CCDC136: variants seen among roughly 807,000 people sequenced by gnomAD.
CCDC136 encodes the protein coiled-coil domain containing 136.
In CCDC136, 100 loss-of-function variants were observed where a neutral mutation model predicts 141.2. The ratio of observed to expected loss-of-function variants is 0.71; its 90% CI spans 0.60 to 0.84. The LOEUF (loss-of-function observed/expected upper bound fraction) is 0.84, where lower values mean the gene tolerates loss of function less well. CCDC136 is among the 40% of genes least tolerant of loss of function. CCDC136 has a pLI of 0.00. For missense variants in CCDC136, 1,206 were observed against 1,379.4 expected (o/e 0.87, Z 1.99); for synonymous variants, 474 against 531.9 (o/e 0.89, Z 1.50).
At position 128,821,900 on chromosome 7, in the gene CCDC136, C is replaced by T. The variant is rs1021655878; in HGVS notation, c.*107C>T. 9 of 1,289,848 alleles carry T rather than the reference C, an allele frequency of 7.0e-6. No individual in the cohort carries two copies. Among genetic ancestry groups the T allele is most frequent in the Non-Finnish European group, 9.1e-6 (9 of 988,890 alleles). The allele number at this position is 1,289,848 out of a possible 1,614,324, so 79.9% of individuals were successfully genotyped here. A position where few individuals can be genotyped will look rare whatever the true frequency, so the allele number is the denominator to read the frequency against. ...GACAGCAGGAGTCAGAGTTCTGCCT[C>T]ATGGAGTGATGGCAGACCTTGGCCA... On this transcript the variant is annotated 3_prime_UTR_variant, in exon 18 of 18. Coordinates refer to ENST00000297788, the MANE Select transcript of CCDC136 (RefSeq NM_022742.5). This position sits in a 1 kb window ranked among gnomAD's most constrained non-coding sequence, Gnocchi z 5.1.
intron 5 of CCDC136, 71 bp downstream of exon 5, chr7:128,804,832 G>A (rs1414513400): frequency 1.1e-6 from 1 of 931,330 alleles, no homozygotes; most frequent in African/African-American, 1.7e-5. Flanking sequence ...GGCTTTCCCT[G>A]AAGGCAGATG....
At chr7:128,792,759 A>AT (rs1331064594) in intron 1 of CCDC136, among the ~76,000 whole-genome samples, 4 of 152,198 alleles carry the variant, frequency 2.6e-5, no homozygotes, top group African/African-American at 9.7e-5. Context: ...GCCGACCCAG[A>AT]TCCCAAGCTG....
At position 128,811,815 on chromosome 7, in the gene CCDC136, A is replaced by G. The variant is rs754735559; in HGVS notation, c.2044A>G (p.Met682Val). The change falls in exon 13 of 18, where the codon ATG becomes GTG. Residue 682 changes from methionine to valine, a missense_variant. By Grantham distance (21) the Met-to-Val change is conservative. Coordinates refer to ENST00000297788, the MANE Select transcript of CCDC136 (RefSeq NM_022742.5). Reference protein sequence around the residue: ...CNRNKQSKLLMEQMQALQVMY... With the variant: ...CNRNKQSKLLVEQMQALQVMY... ...CTGCCCCCAGCAATCCAAGCTGCTC[A>G]TGGAGCAGATGCAGGCCCTGCAGGT... The G allele has an allele frequency of 3.2e-6, 5 of 1,584,100 alleles. No homozygotes were observed. Among genetic ancestry groups the G allele is most frequent in the Admixed American group, 1.9e-5 (1 of 53,468 alleles).
Position 128,813,433 on chromosome 7 carries a change from C to T in CCDC136, c.2763+504C>T, listed in dbSNP as rs546829468. Among the ~76,000 whole-genome samples the T allele has an allele frequency of 2.1e-4, 32 of 152,266 alleles. 1 individual carries two copies. The South Asian group carries it at 6.6e-3, about 32-fold the overall frequency. ...GGTCCAGTGGGGGTCTCTTTGTATA[C>T]ACACGGGAGAGATTCAGAGAGCAGC... On this transcript the variant is annotated intron_variant, in intron 14 of 17. Coordinates refer to ENST00000297788, the MANE Select transcript of CCDC136 (RefSeq NM_022742.5).
rs981899147 is a variant in CCDC136 at position 128,815,749 on chromosome 7, G to A, written c.3181G>A (p.Glu1061Lys). The A allele has an allele frequency of 1.3e-6, 2 of 1,564,390 alleles. No homozygotes were observed. Among genetic ancestry groups the A allele is most frequent in the African/African-American group, 1.4e-5 (1 of 73,382 alleles). Residue 1061 changes from glutamate to lysine, a missense_variant, in exon 16 of 18, where the codon GAG becomes AAG. Transcript: ENST00000297788. ...KEEAKEQCGD[E>K]LVAEPADPEE... ...GGAAGCAAAGGAGCAGTGTGGGGAT[G>A]AGCTAGTTGCTGAGCCAGCAGATCC...
chr7:128,806,609 G>A lies in CCDC136; in HGVS notation c.1249-79G>A, dbSNP rs1463877851. The stretch of plus-strand genomic sequence containing the variant: ...GGAAGAAGCAAATCTTAGACTGTTG[G>A]TGTCTTCAAGTGACTCACACAGAAG... On this transcript the variant is annotated intron_variant, in intron 8 of 17. Coordinates refer to ENST00000297788, the MANE Select transcript of CCDC136 (RefSeq NM_022742.5). 1.0e-5 allele frequency: 14 copies of A among 1,347,282 alleles called. No homozygotes were observed. The South Asian group carries it at 1.4e-4, about 14-fold the overall frequency. 83.5% of individuals were successfully genotyped at this position (1,347,282 alleles called of 1,614,324 possible).
At position 128,815,843 on chromosome 7, in the gene CCDC136, A is replaced by G; in HGVS notation, c.3275A>G (p.Glu1092Gly). 1 of 1,613,352 alleles carries G rather than the reference A, an allele frequency of 6.2e-7. No homozygotes were observed. Among genetic ancestry groups the G allele is most frequent in the Non-Finnish European group, 8.5e-7 (1 of 1,179,628 alleles). Residue 1092 changes from glutamate (E) to glycine (G), a missense_variant, in exon 16 of 18, where the codon GAA becomes GGA. Physicochemically the swap from Glu to Gly is moderately conservative, Grantham distance 98. Coordinates refer to ENST00000297788, the MANE Select transcript of CCDC136 (RefSeq NM_022742.5). ...GACAAAGAGGAAGAGGAGAAGGAAG[A>G]AGACAGTGAAGAGGAGGAGGATGAC... ...EEDKEEEEKE[E>G]DSEEEEDDAD...
chr7:128,802,701 G>T (rs2128906166), intron 4 of CCDC136, among the ~76,000 whole-genome samples: 1 of 152,318 alleles, frequency 6.6e-6, no homozygotes, highest in Admixed American at 6.5e-5. Flanking sequence ...TGATTCCTTA[G>T]TCATGACAGG....
In CCDC136 at chr7:128,792,076, C is replaced by T; in HGVS notation, c.-336C>T. On this transcript the variant is annotated 5_prime_UTR_variant, in exon 1 of 18. Coordinates refer to ENST00000297788, the MANE Select transcript of CCDC136 (RefSeq NM_022742.5). ...CCCCCCGGACTAAATACGCACACCC[C>T]CTCTTTCTTTCTGTGCAAGCAAGAG... 1.5e-6 allele frequency: 2 copies of T among 1,338,358 alleles called. No individual in the cohort carries two copies. The highest frequency in any genetic ancestry group is 1.9e-6 in the Non-Finnish European group (2 of 1,046,536). 82.9% of individuals were successfully genotyped at this position (1,338,358 alleles called of 1,614,324 possible).
In CCDC136 at chr7:128,814,979, C is replaced by G. The variant is rs149344851; in HGVS notation, c.3045+60C>G. 2,039 of 1,362,870 alleles carry G rather than the reference C, an allele frequency of 1.5e-3. 24 individuals carry two copies. The African/African-American group carries it at 0.027, about 18-fold the overall frequency. 84.4% of individuals were successfully genotyped at this position (1,362,870 alleles called of 1,614,324 possible). On this transcript the variant is annotated intron_variant, in intron 15 of 17. Transcript: ENST00000297788. The stretch of plus-strand genomic sequence containing the variant: ...AGGAGGAGGAGATCCTGGGAAGAAG[C>G]ATTGCCTCCACAACCCTTTCAACCA...
In CCDC136 at chr7:128,796,739, A is replaced by ATATATATATATATTTTTTTTTTTT; in HGVS notation, c.346+1972_346+1973insATATATATATATTTTTTTTTTTTT. Among the ~76,000 whole-genome samples the ATATATATATATATTTTTTTTTTTT allele has an allele frequency of 1.2e-4, 14 of 113,374 alleles. 1 individual carries two copies. Among genetic ancestry groups the ATATATATATATATTTTTTTTTTTT allele is most frequent in the Middle Eastern group, 3.9e-3 (1 of 256 alleles). 74.4% of individuals were successfully genotyped at this position (113,374 alleles called of 152,430 possible). ...TGATTCAGAATATATATATATATAT[A>ATATATATATATATTTTTTTTTTTT]TTCTTTTTTTTTTTTTTTTTGAGAC... is the stretch of plus-strand genomic sequence containing the variant. On this transcript the variant is annotated intron_variant, in intron 3 of 17. Coordinates refer to ENST00000297788, the MANE Select transcript of CCDC136 (RefSeq NM_022742.5).
At chr7:128,799,834 G>A (rs887133687) in intron 3 of CCDC136, among the ~76,000 whole-genome samples, 1 of 152,144 alleles carries the variant, frequency 6.6e-6, no homozygotes, top group Non-Finnish European at 1.5e-5. Context: ...CACTGTTGGT[G>A]TCAGTGCCTT....
rs1486601490 is a variant in CCDC136 at position 128,804,671 on chromosome 7, A to C, written c.692A>C (p.Glu231Ala). 1.9e-6 allele frequency: 3 copies of C among 1,581,160 alleles called. No individual in the cohort carries two copies. The highest frequency in any genetic ancestry group is 2.6e-6 in the Non-Finnish European group (3 of 1,163,438). ...GLQEELQELR[E>A]RYHFLNEEYR... ...GCAGAAGAACTGCAGGAGCTGCGGG[A>C]ACGCTACCATTTCCTGAATGAGGAA... The change falls in exon 5 of 18, where the codon GAA (glutamate) becomes GCA (alanine). Residue 231 changes from glutamate to alanine, a missense_variant. Glu to Ala is a moderately radical substitution (Grantham distance 107). Coordinates refer to ENST00000297788, the MANE Select transcript of CCDC136 (RefSeq NM_022742.5).
At position 128,794,196 on chromosome 7, in the gene CCDC136, T is replaced by C; in HGVS notation, c.17-152T>C. Reference sequence around the variant, plus strand: ...TGACTCTCACACCTGAGGACTCATCTTGAGTACAGGTCTTGCCCCGGGGCT... The same window carrying C: ...TGACTCTCACACCTGAGGACTCATCCTGAGTACAGGTCTTGCCCCGGGGCT... On this transcript the variant is annotated intron_variant, in intron 1 of 17. Coordinates refer to ENST00000297788, the MANE Select transcript of CCDC136 (RefSeq NM_022742.5). This position sits in a 1 kb window ranked among gnomAD's most constrained non-coding sequence, Gnocchi z 4.3. The C allele has an allele frequency of 2.0e-6, 2 of 998,270 alleles. No individual in the cohort carries two copies. Among genetic ancestry groups the C allele is most frequent in the East Asian group, 5.2e-5 (2 of 38,256 alleles). 61.8% of individuals were successfully genotyped at this position (998,270 alleles called of 1,614,324 possible). A position where few individuals can be genotyped will look rare whatever the true frequency, so the allele number is the denominator to read the frequency against.
rs1804779183 is a variant in CCDC136 at position 128,805,975 on chromosome 7, G to T, written c.1089+74G>T. 6.5e-7 allele frequency: 1 copy of T among 1,542,072 alleles called. No homozygotes were observed. Among genetic ancestry groups the T allele is most frequent in the African/African-American group, 1.4e-5 (1 of 73,732 alleles). On this transcript the variant is annotated intron_variant, in intron 7 of 17. Coordinates refer to ENST00000297788, the MANE Select transcript of CCDC136 (RefSeq NM_022742.5). The surrounding 1 kb of genome is among the most constrained non-coding windows in gnomAD (Gnocchi z 4.6). Reference sequence around the variant, plus strand: ...TGGAGGGGCTGCTTCAACCGGGGTGGGCACAGTGAGTATGGCTGTGCTCTG... The same window carrying T: ...TGGAGGGGCTGCTTCAACCGGGGTGTGCACAGTGAGTATGGCTGTGCTCTG...
chr7:128,799,512 T>A (rs1330626676), intron 3 of CCDC136, among the ~76,000 whole-genome samples: 1 of 151,840 alleles, frequency 6.6e-6, no homozygotes, highest in East Asian at 1.9e-4. Flanking sequence ...GGAGCTGTAA[T>A]GGTGAGCAAA....
rs751743986 is a variant in CCDC136 at position 128,812,047 on chromosome 7, G to T, written c.2276G>T (p.Arg759Leu). The change falls in exon 13 of 18, where the codon CGC becomes CTC. Residue 759 changes from arginine to leucine, a missense_variant. Transcript: ENST00000297788. Reference protein sequence around the residue: ...GSMVPSNENCRKTYDTTVDDN... With the variant: ...GSMVPSNENCLKTYDTTVDDN... Reference sequence around the variant, plus strand: ...ATGGTCCCCAGCAATGAGAACTGTCGCAAGACTTATGATACCACTGTGGAT... The same window carrying T: ...ATGGTCCCCAGCAATGAGAACTGTCTCAAGACTTATGATACCACTGTGGAT... 2 of 1,614,000 alleles carry T rather than the reference G, an allele frequency of 1.2e-6. No individual in the cohort carries two copies. The highest frequency in any genetic ancestry group is 2.2e-5 in the South Asian group (2 of 91,084).
Position 128,805,945 on chromosome 7 carries a change from C to T in CCDC136, c.1089+44C>T, listed in dbSNP as rs1275100420. The T allele has an allele frequency of 1.2e-6, 2 of 1,609,014 alleles. No individual in the cohort carries two copies. The highest frequency in any genetic ancestry group is 1.7e-6 in the Non-Finnish European group (2 of 1,176,990). On this transcript the variant is annotated intron_variant, in intron 7 of 17. Transcript: ENST00000297788. This position sits in a 1 kb window ranked among gnomAD's most constrained non-coding sequence, Gnocchi z 4.6. ...GGCATCTGGGGTGGGGGCAGAAGGG[C>T]CTCATGGAGGGGCTGCTTCAACCGG... is the stretch of plus-strand genomic sequence containing the variant.
At chr7:128,806,566 A>T in intron 8 of CCDC136, 122 bp from the exon 9 acceptor site, 1 of 1,084,040 alleles carries the variant, frequency 9.2e-7, no homozygotes, top group Non-Finnish European at 1.3e-6. Flanking sequence ...ATATGAGGAC[A>T]TTAGGAAGTG....
Sources: gnomAD v4.1 joint callset for allele counts (sites outside exome capture counted in the v4.1 genomes callset) on GRCh38, gnomAD v4.1.1 for gene constraint, Gnocchi (gnomAD v3.1) non-coding constraint, MANE v1.5 for transcripts, NCBI Gene and HGNC (gene_info 2026-07-23, HGNC 2026-07-21) for gene names.